Variants in CP observed in about 807,000 individuals in gnomAD.
CP encodes the protein caeruloplasmin.
CP carries 64 observed loss-of-function variants against 122.4 expected under a neutral mutation model. The ratio of observed to expected loss-of-function variants is 0.52; its 90% confidence interval spans 0.43 to 0.64. The LOEUF (loss-of-function observed/expected upper bound fraction) is 0.64, where lower values mean the gene tolerates loss of function less well. CP is among the 30% of genes least tolerant of loss of function. The probability of loss-of-function intolerance (pLI) is 0.00; values close to 1 mark genes in which losing one functional copy is unlikely to be tolerated. For synonymous variants in CP, 440 were observed against 436.4 expected (o/e 1.01, Z -0.10); for missense variants, 1,167 against 1,284.4 (o/e 0.91, Z 1.40).
intron 6 of CP, among the ~76,000 whole-genome samples, chr3:149,204,696 C>A (rs1727584109): frequency 6.6e-6 from 1 of 152,074 alleles, no homozygotes; most frequent in Non-Finnish European, 1.5e-5. Flanking sequence ...ATATGGATGG[C>A]AAACAGGGCT....
At chr3:149,167,832 C>T (rs1198151220), downstream of CP, 2 of 982,036 alleles carry the variant, frequency 2.0e-6, no homozygotes, top group Non-Finnish European at 3.3e-6. Context: ...TTCTTATTCT[C>T]CTTTGAAATC....
chr3:149,214,094 C>T (rs1333139560), intron 1 of CP, among the ~76,000 whole-genome samples: 2 of 152,122 alleles, frequency 1.3e-5, no homozygotes, highest in African/African-American at 4.8e-5. Flanking sequence ...CCCTGGGTAA[C>T]CTGTGTTGAA....
At chr3:149,208,826 A>G in intron 4 of CP, among the ~76,000 whole-genome samples, 1 of 152,314 alleles carries the variant, frequency 6.6e-6, no homozygotes, top group South Asian at 2.1e-4. Context: ...CGTGGTTTGA[A>G]CTATTTTCTT....
chr3:149,189,452 G>A (rs2108248250), intron 9 of CP, among the ~76,000 whole-genome samples: 1 of 151,932 alleles, frequency 6.6e-6, no homozygotes, highest in Non-Finnish European at 1.5e-5. Context: ...TACTTGGGAG[G>A]CTGAGGCAGG....
At chr3:149,188,322 T>C (rs942346043) in intron 9 of CP, 120 bp from the exon 10 acceptor site, 1 of 834,734 alleles carries the variant, frequency 1.2e-6, no homozygotes, top group Non-Finnish European at 1.9e-6. Context: ...AAGTTTCTGT[T>C]GCTCTTTGTA....
chr3:149,210,503 G>A lies in CP; in HGVS notation c.395-124C>T, dbSNP rs533679649. On this transcript the variant is annotated intron_variant, in intron 2 of 18. Coordinates refer to ENST00000264613, the MANE Select transcript of CP (RefSeq NM_000096.4). Reference sequence around the variant, plus strand: ...CATCTACTATGTGATCCTTGGGGATGTGTTATCCTATTTGGACACAGGAAA... The same window carrying A: ...CATCTACTATGTGATCCTTGGGGATATGTTATCCTATTTGGACACAGGAAA... 770 of 870,476 alleles carry A rather than the reference G, an allele frequency of 8.8e-4. 1 individual carries two copies. The highest frequency in any genetic ancestry group is 1.0e-3 in the Non-Finnish European group (533 of 528,648). The allele number at this position is 870,476 out of a possible 1,614,324, so 53.9% of individuals were successfully genotyped here.
chr3:149,191,805 TA>T (rs1576750660), intron 9 of CP, among the ~76,000 whole-genome samples: 2 of 151,976 alleles, frequency 1.3e-5, no homozygotes, highest in Admixed American at 6.6e-5. Flanking sequence ...AATATGCAAT[TA>T]AAAAATACCG....
intron 11 of CP, 85 bp from the exon 12 acceptor site, chr3:149,185,531 C>A: frequency 7.9e-7 from 1 of 1,262,396 alleles, no homozygotes; most frequent in Admixed American, 1.8e-5. Context: ...ATGCTGAAGT[C>A]CTTATCATGG....
exon 6 of CP, chr3:149,162,601 C>T (rs1723983181): frequency 7.5e-7 from 1 of 1,334,992 alleles, no homozygotes; most frequent in Non-Finnish European, 1.1e-6. Flanking sequence ...ATTGCGTGGC[C>T]CATGTGATGC....
intron 1 of CP, among the ~76,000 whole-genome samples, chr3:149,213,551 A>G (rs1728254261): frequency 6.6e-6 from 1 of 152,042 alleles, no homozygotes; most frequent in Non-Finnish European, 1.5e-5. Context: ...ATTTGGCAGG[A>G]CCCACTTAGA....
chr3:149,185,853 C>T (rs1321767864), intron 11 of CP, among the ~76,000 whole-genome samples: 1 of 152,084 alleles, frequency 6.6e-6, no homozygotes, highest in Non-Finnish European at 1.5e-5. Flanking sequence ...GTCTGTCTCC[C>T]TGCATTAGAA....
At chr3:149,162,789 C>A in exon 6 of CP, 2 of 1,614,020 alleles carry the variant, frequency 1.2e-6, no homozygotes, top group Non-Finnish European at 1.7e-6. Flanking sequence ...ACTTCAGGAA[C>A]TCTTTTTCAA....
chr3:149,201,872 G>C (rs1387856678), intron 7 of CP, among the ~76,000 whole-genome samples: 1 of 152,188 alleles, frequency 6.6e-6, no homozygotes, highest in Non-Finnish European at 1.5e-5. Context: ...TGAGATTACA[G>C]GGGTGAGCTA....
Position 149,178,536 on chromosome 3 carries a change from C to T in CP, c.2757G>A (p.Leu919=), listed in dbSNP as rs769231901. 1 of 1,613,270 alleles carries T rather than the reference C, an allele frequency of 6.2e-7. No individual in the cohort carries two copies. Among genetic ancestry groups the T allele is most frequent in the Non-Finnish European group, 8.5e-7 (1 of 1,179,336 alleles). Residue 919 remains leucine (L), a synonymous_variant, in exon 16 of 19, where the codon CTG becomes CTA. Transcript: ENST00000264613. ...NPRRKLEFAL[L]FLVFDENESW... ...ATTCATTCTCATCAAAAACTAGAAA[C>T]AGAAGGGCAAATTCCAGTTTCCTTC...
chr3:149,186,445 C>A, intron 11 of CP, 75 bp downstream of exon 11: 1 of 1,388,522 alleles, frequency 7.2e-7, no homozygotes, highest in East Asian at 2.3e-5. Flanking sequence ...TATCACCCAA[C>A]ACATTCTGCT....
downstream of CP, chr3:149,168,135 C>A (rs1294686923): frequency 6.4e-6 from 4 of 625,768 alleles, no homozygotes; most frequent in Non-Finnish European, 8.7e-6. Flanking sequence ...CACGTACCCT[C>A]CCCTTGACAT....
chr3:149,170,886 A>C (rs1724908749), downstream of CP, among the ~76,000 whole-genome samples: 1 of 152,182 alleles, frequency 6.6e-6, no homozygotes, highest in Non-Finnish European at 1.5e-5. Flanking sequence ...CATAACTGTC[A>C]CCCTTCTATT....
In CP at chr3:149,182,013, G is replaced by A. The variant is rs1384141928; in HGVS notation, c.2546C>T (p.Thr849Ile). Residue 849 changes from threonine to isoleucine, a missense_variant, in exon 14 of 19, where the codon ACA (threonine) becomes ATA (isoleucine). By Grantham distance (89) the Thr-to-Ile change is moderately conservative. Coordinates refer to ENST00000264613, the MANE Select transcript of CP (RefSeq NM_000096.4). ...VQTESSTVTP[T>I]LPGETLTYVW... ...CCCGCCCCCGTGAGTACCTGGTAAT[G>A]TTGGAGTAACTGTAGAACTCTCTGT... 6.5e-7 allele frequency: 1 copy of A among 1,531,062 alleles called. No individual in the cohort carries two copies. Among genetic ancestry groups the A allele is most frequent in the Non-Finnish European group, 8.9e-7 (1 of 1,125,530 alleles). 94.8% of individuals were successfully genotyped at this position (1,531,062 alleles called of 1,614,324 possible).
At position 149,207,422 on chromosome 3, in the gene CP, A is replaced by G. The variant is rs897782767; in HGVS notation, c.977T>C (p.Met326Thr). The G allele has an allele frequency of 6.2e-7, 1 of 1,614,012 alleles. No homozygotes were observed. The highest frequency in any genetic ancestry group is 2.2e-5 in the East Asian group (1 of 44,876). Residue 326 changes from methionine to threonine, a missense_variant, in exon 5 of 19, where the codon ATG becomes ACG. Met to Thr is a moderately conservative substitution (Grantham distance 81). Around this residue, in one of 2 missense-constraint regions of CP, gnomAD observed 642 missense variants for 627.3 expected, o/e 1.02. Coordinates refer to ENST00000264613, the MANE Select transcript of CP (RefSeq NM_000096.4). Reference protein sequence around the residue: ...LFPATLFDAYMVAQNPGEWML... With the variant: ...LFPATLFDAYTVAQNPGEWML... ...CCATTCTCCAGGGTTCTGGGCCACC[A>G]TATAAGCATCAAACAGGGTAGCAGG...
Sources: gnomAD v4.1 joint callset for allele counts (sites outside exome capture counted in the v4.1 genomes callset) on GRCh38, gnomAD v4.1.1 for gene constraint, gnomAD v4.1.1 regional missense constraint, MANE v1.5 for transcripts, NCBI Gene and HGNC (gene_info 2026-07-23, HGNC 2026-07-21) for gene names.